The following FHIP1A variants were observed in gnomAD, a reference collection of about 807,000 sequenced individuals.
FHIP1A encodes FHF complex subunit HOOK-interacting protein 1A.
FHIP1A carries 61 observed loss-of-function variants against 88.6 expected under a neutral mutation model. The observed-to-expected ratio is 0.69, with a 90% confidence interval of 0.56 to 0.85. The LOEUF (loss-of-function observed/expected upper bound fraction) is 0.85. Ranked by LOEUF, FHIP1A falls within the 40% of genes least tolerant of loss-of-function variation. FHIP1A has a pLI of 0.00. For synonymous variants in FHIP1A, 478 were observed against 496.0 expected (o/e 0.96, Z 0.48); for missense variants, 1,154 against 1,273.5 (o/e 0.91, Z 1.43).
chr4:151,507,350 C>T (rs1476543741), intron 3 of FHIP1A, among the ~76,000 whole-genome samples: 1 of 152,158 alleles, frequency 6.6e-6, no homozygotes, highest in Non-Finnish European at 1.5e-5. Flanking sequence ...TCTCCAACCC[C>T]TGGGCTCAAA....
At position 151,565,443 on chromosome 4, in the gene FHIP1A, A is replaced by G. The variant is rs371837433; in HGVS notation, c.-122-695A>G. 2.0e-5 allele frequency among the ~76,000 whole-genome samples: 3 copies of G among 152,176 alleles called. No homozygotes were observed. In the South Asian group the frequency reaches 6.2e-4, roughly 32 times the overall value. ...CCTAATAAACACTATCTTGTTTTTG[A>G]TGGATCATTTCTATCTCTGATTTGT... is the stretch of plus-strand genomic sequence containing the variant. On this transcript the variant is annotated intron_variant, in intron 3 of 13. Coordinates refer to ENST00000435205, the MANE Select transcript of FHIP1A (RefSeq NM_001109977.3).
At chr4:151,638,621 G>A (rs1736454197) in intron 8 of FHIP1A, 56 bp from the exon 9 acceptor site, 8 of 1,034,580 alleles carry the variant, frequency 7.7e-6, no homozygotes, top group Admixed American at 2.3e-5. Flanking sequence ...CTATCTGTGG[G>A]GAGTAGAGTT....
chr4:151,656,787 G>A lies in FHIP1A; in HGVS notation c.2758G>A (p.Glu920Lys). 2 of 1,551,580 alleles carry A rather than the reference G, an allele frequency of 1.3e-6. No individual in the cohort carries two copies. The highest frequency in any genetic ancestry group is 1.7e-6 in the Non-Finnish European group (2 of 1,146,942). The change falls in exon 13 of 14, where the codon GAA (glutamate) becomes AAA (lysine). Residue 920 changes from glutamate (E) to lysine (K), a missense_variant. Coordinates refer to ENST00000435205, the MANE Select transcript of FHIP1A (RefSeq NM_001109977.3). The surrounding 1 kb of genome is among the most constrained non-coding windows in gnomAD (Gnocchi z 4.2). ...CCTTGCATCTGTGAAAAACAAGATT[G>A]AACAGTTTGCTTCTGTGGAGAGAGA... ...QVLASVKNKI[E>K]QFASVERDFP...
chr4:151,526,872 TCA>T (rs1731682375), intron 3 of FHIP1A, among the ~76,000 whole-genome samples: 1 of 146,898 alleles, frequency 6.8e-6, no homozygotes, highest in South Asian at 2.2e-4. Flanking sequence ...GAGACGCTCC[TCA>T]CATCCCGGAC....
intron 1 of FHIP1A, among the ~76,000 whole-genome samples, chr4:151,411,352 T>A (rs1409933768): frequency 6.9e-5 from 10 of 144,404 alleles, no homozygotes; most frequent in Admixed American, 4.1e-4. Context: ...TATATATATT[T>A]TTTTTTTTTT....
rs1434374737 is a variant in FHIP1A, at chr4:151,664,461, G to A, written c.*1707G>A. On this transcript the variant is annotated 3_prime_UTR_variant, in exon 14 of 14. Coordinates refer to ENST00000435205, the MANE Select transcript of FHIP1A (RefSeq NM_001109977.3). ...GCTGTTAGGAGCCAGCCTTGCTTTC[G>A]TGTTTCATAGTCCAAGCAAGACACC... Among the ~76,000 whole-genome samples, 1 of 152,216 alleles carries A rather than the reference G, an allele frequency of 6.6e-6. No individual in the cohort carries two copies. The highest frequency in any genetic ancestry group is 2.4e-5 in the African/African-American group (1 of 41,460).
At chr4:151,537,265 C>G (rs1732104943) in intron 3 of FHIP1A, among the ~76,000 whole-genome samples, 1 of 152,008 alleles carries the variant, frequency 6.6e-6, no homozygotes, top group Admixed American at 6.6e-5. Flanking sequence ...ATCTCTGCAT[C>G]TTTTCTGACA....
chr4:151,468,284 C>CA (rs921242622), intron 2 of FHIP1A, among the ~76,000 whole-genome samples: 8,814 of 36,628 alleles, frequency 0.24, 840 homozygotes, highest in Non-Finnish European at 0.29. Flanking sequence ...GACTCCATCT[C>CA]AAAAAAAAAA....
At chr4:151,520,995 A>G (rs1731424567) in intron 3 of FHIP1A, among the ~76,000 whole-genome samples, 1 of 152,254 alleles carries the variant, frequency 6.6e-6, no homozygotes, top group South Asian at 2.1e-4. Context: ...TCACTCAATT[A>G]TGGAAACAGA....
At chr4:151,635,349 A>G (rs567458539) in intron 8 of FHIP1A, among the ~76,000 whole-genome samples, 1 of 152,004 alleles carries the variant, frequency 6.6e-6, no homozygotes, top group African/African-American at 2.4e-5. Flanking sequence ...GGTTTAGTAC[A>G]TTATCCAGCA....
At chr4:151,539,493 G>A (rs1443093) in intron 3 of FHIP1A, among the ~76,000 whole-genome samples, 13,876 of 150,688 alleles carry the variant, frequency 0.092, 1,076 homozygotes, top group South Asian at 0.28. Context: ...GAAACTGGGA[G>A]GCGGAGGTTG....
At chr4:151,446,435 T>C (rs1728602116) in intron 1 of FHIP1A, among the ~76,000 whole-genome samples, 1 of 151,690 alleles carries the variant, frequency 6.6e-6, no homozygotes, top group African/African-American at 2.4e-5. Flanking sequence ...CATAATGTCA[T>C]GGGATTTCTT....
chr4:151,440,643 A>C (rs945484561), intron 1 of FHIP1A, among the ~76,000 whole-genome samples: 11 of 152,144 alleles, frequency 7.2e-5, no homozygotes, highest in Admixed American at 6.5e-5. Flanking sequence ...CCCTGGGTAC[A>C]CAAACAGTAG....
intron 7 of FHIP1A, among the ~76,000 whole-genome samples, chr4:151,628,551 C>T (rs1298563586): frequency 4.0e-5 from 6 of 151,832 alleles, no homozygotes; most frequent in Admixed American, 6.6e-5. Context: ...GCCCAGTAAC[C>T]GTAAGATAAT....
chr4:151,607,322 TGGGCCTGCAACTA>T (rs1735111981), intron 7 of FHIP1A, among the ~76,000 whole-genome samples: 1 of 152,222 alleles, frequency 6.6e-6, no homozygotes, highest in Admixed American at 6.5e-5. Flanking sequence ...AGTCCTGTTG[TGGGCCTGCAACTA>T]GGTAACATGG....
chr4:151,516,319 T>TA (rs1337609692), intron 3 of FHIP1A, among the ~76,000 whole-genome samples: 1 of 151,758 alleles, frequency 6.6e-6, no homozygotes. Flanking sequence ...ATTAAAGACT[T>TA]AAACGTTAGA....
rs752671972 is a variant in FHIP1A, at chr4:151,578,037, G to T, written c.693G>T (p.Met231Ile). ...TGTCTCTTTCTGCTGAGAACACCAT[G>T]GTGGCCCATCACATCGTGGAGAACA... Reference protein sequence around the residue: ...FIMSLSAENTMVAHHIVENTY... With the variant: ...FIMSLSAENTIVAHHIVENTY... The change falls in exon 5 of 14, where the codon ATG (methionine) becomes ATT (isoleucine). Residue 231 changes from methionine to isoleucine, a missense_variant. Coordinates refer to ENST00000435205, the MANE Select transcript of FHIP1A (RefSeq NM_001109977.3). The T allele has an allele frequency of 1.3e-6, 2 of 1,550,372 alleles. No homozygotes were observed. The highest frequency in any genetic ancestry group is 1.7e-6 in the Non-Finnish European group (2 of 1,146,646).
rs922986443 is a variant in FHIP1A at position 151,663,859 on chromosome 4, G to A, written c.*1105G>A. 7.9e-5 allele frequency among the ~76,000 whole-genome samples: 12 copies of A among 152,122 alleles called. No individual in the cohort carries two copies. The highest frequency in any genetic ancestry group is 1.9e-4 in the East Asian group (1 of 5,194). Reference sequence around the variant, plus strand: ...CCTGCAAAGCCAAGTGCCTGCTGGCGACTCACTCTGCATGGAAATGCTGCC... The same window carrying A: ...CCTGCAAAGCCAAGTGCCTGCTGGCAACTCACTCTGCATGGAAATGCTGCC... On this transcript the variant is annotated 3_prime_UTR_variant, in exon 14 of 14. Coordinates refer to ENST00000435205, the MANE Select transcript of FHIP1A (RefSeq NM_001109977.3).
At chr4:151,419,264 CTCTGTT>C (rs1367019906) in intron 1 of FHIP1A, among the ~76,000 whole-genome samples, 6 of 152,216 alleles carry the variant, frequency 3.9e-5, no homozygotes, top group African/African-American at 1.4e-4. Context: ...CTCTCTCTCT[CTCTGTT>C]TGACTGTTTT....
Sources: gnomAD v4.1 joint callset for allele counts (sites outside exome capture counted in the v4.1 genomes callset) on GRCh38, gnomAD v4.1.1 for gene constraint, Gnocchi (gnomAD v3.1) non-coding constraint, MANE v1.5 for transcripts, NCBI Gene and HGNC (gene_info 2026-07-23, HGNC 2026-07-21) for gene names.